INSL6: variants seen among roughly 807,000 people sequenced by gnomAD.
INSL6 encodes the protein insulin like 6.
INSL6 carries 16 observed loss-of-function variants against 9.4 expected under a neutral mutation model. The ratio of observed to expected loss-of-function variants is 1.70; its 90% CI spans 1.15 to 2.59. The LOEUF (loss-of-function observed/expected upper bound fraction) is 2.59, where lower values mean the gene tolerates loss of function less well. Ranked by LOEUF, INSL6 falls within the 30% of genes most tolerant of loss-of-function variation. INSL6 has a pLI of 0.00. For synonymous variants in INSL6, 154 were observed against 96.9 expected (o/e 1.59, Z -3.46); for missense variants, 391 against 257.3 (o/e 1.52, Z -3.56).
At chr9:5,106,032 A>T in the INSL6 span, among the ~76,000 whole-genome samples, 1 of 152,208 alleles carries the variant, frequency 6.6e-6, no homozygotes, top group East Asian at 1.9e-4. Context: ...AACGCCAGAA[A>T]CAAAGGCAAC....
chr9:5,159,381 A>T (rs937264608), downstream of INSL6, among the ~76,000 whole-genome samples: 2 of 151,666 alleles, frequency 1.3e-5, no homozygotes, highest in African/African-American at 4.8e-5. Context: ...TAAAAAAAGG[A>T]TCGAACAACC....
intron 1 of INSL6, among the ~76,000 whole-genome samples, chr9:5,179,975 T>C (rs1426240143): frequency 1.3e-5 from 2 of 152,108 alleles, no homozygotes; most frequent in Admixed American, 6.5e-5. Flanking sequence ...AACCTGCACA[T>C]CCTGCACATG....
the INSL6 span, chr9:5,080,491 C>A: frequency 6.5e-7 from 1 of 1,548,754 alleles, no homozygotes; most frequent in Admixed American, 2.0e-5. Flanking sequence ...GTTGGTGTGG[C>A]ATTACACAAT....
At chr9:5,090,686 T>A in the INSL6 span, 1 of 1,542,614 alleles carries the variant, frequency 6.5e-7, no homozygotes, top group Non-Finnish European at 8.7e-7. Flanking sequence ...TTAAGACCAT[T>A]TAAATTGTTT....
chr9:5,062,463 C>G, the INSL6 span, among the ~76,000 whole-genome samples: 1 of 124,820 alleles, frequency 8.0e-6, no homozygotes, highest in African/African-American at 3.2e-5. Context: ...TAGACTTGTA[C>G]TTGCTCCACT....
chr9:4,999,118 C>G, the INSL6 span, among the ~76,000 whole-genome samples: 2 of 152,168 alleles, frequency 1.3e-5, no homozygotes, highest in African/African-American at 4.8e-5. Flanking sequence ...AGCCACCGCA[C>G]CCGGGCTCAG....
At chr9:5,074,541 A>T in the INSL6 span, among the ~76,000 whole-genome samples, 5 of 152,164 alleles carry the variant, frequency 3.3e-5, no homozygotes, top group Admixed American at 1.3e-4. Flanking sequence ...TGTCCCAAAC[A>T]GAGAGAATAT....
chr9:5,143,266 G>A (rs951002419), intron 2 of INSL6, among the ~76,000 whole-genome samples: 7 of 151,560 alleles, frequency 4.6e-5, no homozygotes, highest in African/African-American at 1.5e-4. Flanking sequence ...CAGTAGGAAT[G>A]GTACCAGCTC....
chr9:5,144,530 G>A (rs1824560753), intron 2 of INSL6, among the ~76,000 whole-genome samples: 1 of 152,176 alleles, frequency 6.6e-6, no homozygotes, highest in Admixed American at 6.5e-5. Flanking sequence ...TTCAGGTCCT[G>A]TATATCTTTG....
intron 1 of INSL6, among the ~76,000 whole-genome samples, chr9:5,175,991 A>C (rs1279871241): frequency 6.6e-6 from 1 of 152,122 alleles, no homozygotes; most frequent in Non-Finnish European, 1.5e-5. Flanking sequence ...CCAAGGAAAA[A>C]TTGTCTTCCA....
the INSL6 span, chr9:5,110,767 G>C: frequency 2.6e-6 from 1 of 389,032 alleles, no homozygotes; most frequent in East Asian, 6.1e-5. Context: ...GACTGGCCAT[G>C]CAGGAGTGGT....
chr9:5,087,799 A>C, the INSL6 span, among the ~76,000 whole-genome samples: 1 of 152,242 alleles, frequency 6.6e-6, no homozygotes, highest in African/African-American at 2.4e-5. Context: ...ACAGCTAATT[A>C]AGTATCCTTA....
At chr9:5,027,407 C>T in the INSL6 span, among the ~76,000 whole-genome samples, 2 of 152,110 alleles carry the variant, frequency 1.3e-5, 1 homozygote, top group Admixed American at 1.3e-4. Context: ...TGTCAAAAAG[C>T]ACTCATAATC....
At chr9:5,102,412 T>C in the INSL6 span, among the ~76,000 whole-genome samples, 452 of 152,240 alleles carry the variant, frequency 3.0e-3, 1 homozygote, top group African/African-American at 0.01. Context: ...AAATCTACAT[T>C]TGATTGTTGT....
chr9:5,142,530 G>T (rs1824521423), intron 2 of INSL6, among the ~76,000 whole-genome samples: 1 of 152,196 alleles, frequency 6.6e-6, no homozygotes, highest in Non-Finnish European at 1.5e-5. Context: ...TGAAATGCTA[G>T]TGATGTTCTG....
At chr9:5,055,716 T>G in the INSL6 span, 3 of 1,599,268 alleles carry the variant, frequency 1.9e-6, no homozygotes, top group Non-Finnish European at 2.6e-6. Flanking sequence ...ATGTCAGTAT[T>G]AAGCAAGCAA....
At chr9:5,135,682 C>G (rs1302369085) in intron 2 of INSL6, among the ~76,000 whole-genome samples, 1 of 151,926 alleles carries the variant, frequency 6.6e-6, no homozygotes, top group Non-Finnish European at 1.5e-5. Flanking sequence ...AAAGAGCTAA[C>G]ATTGACACCC....
downstream of INSL6, among the ~76,000 whole-genome samples, chr9:5,122,712 A>G (rs1277990119): frequency 1.3e-5 from 2 of 151,950 alleles, no homozygotes; most frequent in Non-Finnish European, 2.9e-5. Context: ...GGCACATACT[A>G]AAGTTACATA....
intron 2 of INSL6, among the ~76,000 whole-genome samples, chr9:5,137,288 CA>C (rs770959957): frequency 1.8e-4 from 27 of 151,308 alleles, no homozygotes; most frequent in Admixed American, 1.5e-3. Context: ...CATATGGAAC[CA>C]AAAAAAAGAG....
Sources: allele counts gnomAD v4.1 joint callset (sites outside exome capture counted in the v4.1 genomes callset), GRCh38; gene constraint gnomAD v4.1.1; transcripts MANE v1.5; gene names NCBI Gene and HGNC (gene_info 2026-07-23, HGNC 2026-07-21).